Variants in ST6GAL1 observed in about 807,000 individuals in gnomAD.
ST6GAL1 encodes the protein beta-galactoside alpha-2,6-sialyltransferase 1.
In ST6GAL1, 20 loss-of-function variants were observed where a neutral mutation model predicts 38.0. The observed-to-expected ratio is 0.53, with a 90% CI of 0.37 to 0.77. ST6GAL1 has a LOEUF of 0.77. Ranked by LOEUF, ST6GAL1 falls within the 30% of genes least tolerant of loss-of-function variation. The probability of loss-of-function intolerance (pLI) is 0.00; values close to 1 mark genes in which losing one functional copy is unlikely to be tolerated. For missense variants in ST6GAL1, 432 were observed against 496.4 expected (o/e 0.87, Z 1.23); for synonymous variants, 196 against 188.2 (o/e 1.04, Z -0.34).
At chr3:187,010,939 T>G (rs576358452) in intron 2 of ST6GAL1, among the ~76,000 whole-genome samples, 4 of 152,188 alleles carry the variant, frequency 2.6e-5, no homozygotes, top group Non-Finnish European at 5.9e-5. Flanking sequence ...AACCAAAGTA[T>G]AAAAGAAAAT....
intron 5 of ST6GAL1, among the ~76,000 whole-genome samples, chr3:187,065,981 G>C (rs1719099443): frequency 6.6e-6 from 1 of 152,166 alleles, no homozygotes. Flanking sequence ...TTGGTTCTAG[G>C]TGTTTGCCAC....
chr3:186,950,225 T>C (rs1714531193), intron 1 of ST6GAL1, among the ~76,000 whole-genome samples: 2 of 152,110 alleles, frequency 1.3e-5, no homozygotes, highest in Non-Finnish European at 1.5e-5. Context: ...GGGGGCAGCA[T>C]TGGATCCACT....
intron 2 of ST6GAL1, among the ~76,000 whole-genome samples, chr3:186,976,893 A>T (rs1715538334): frequency 6.6e-6 from 1 of 152,184 alleles, no homozygotes; most frequent in African/African-American, 2.4e-5. Flanking sequence ...TCAGTCACTC[A>T]TATTTACCTA....
At chr3:187,057,956 C>T (rs968442449) in intron 5 of ST6GAL1, among the ~76,000 whole-genome samples, 6 of 152,176 alleles carry the variant, frequency 3.9e-5, no homozygotes, top group Admixed American at 6.5e-5. Flanking sequence ...CCACCTACTT[C>T]GAGCTTCCAG....
In ST6GAL1 at chr3:187,075,758, G is replaced by T. The variant is rs186426829; in HGVS notation, c.1176G>T (p.Leu392=). 2.4e-4 allele frequency: 388 copies of T among 1,614,228 alleles called. 3 individuals carry two copies. The East Asian group carries it at 8.2e-3, about 34-fold the overall frequency. The change falls in exon 8 of 8, where the codon CTG becomes CTT. Residue 392 remains leucine (L), a synonymous_variant. Transcript: ENST00000169298. The surrounding 1 kb of genome is among the most constrained non-coding windows in gnomAD (Gnocchi z 4.1). ...LNQGTDEDIY[L]LGKATLPGFR... ...AGGGCACAGATGAGGACATCTACCT[G>T]CTTGGAAAAGCCACACTGCCTGGCT...
chr3:187,004,583 A>G (rs577886470), intron 2 of ST6GAL1, among the ~76,000 whole-genome samples: 1 of 152,366 alleles, frequency 6.6e-6, no homozygotes, highest in East Asian at 1.9e-4. Flanking sequence ...GTAATACACT[A>G]GAGTCGGGAG....
chr3:187,048,070 G>C (rs942036706), intron 4 of ST6GAL1, among the ~76,000 whole-genome samples: 1 of 151,790 alleles, frequency 6.6e-6, no homozygotes, highest in Non-Finnish European at 1.5e-5. Context: ...AGCCTCCCGA[G>C]TAGCTGGGAT....
At chr3:186,970,773 T>C (rs1715321424) in intron 2 of ST6GAL1, among the ~76,000 whole-genome samples, 1 of 152,202 alleles carries the variant, frequency 6.6e-6, no homozygotes, top group Admixed American at 6.5e-5. Context: ...TATTCCATGG[T>C]ATGCATGTAT....
At chr3:187,023,103 G>T (rs1335716841) in intron 2 of ST6GAL1, among the ~76,000 whole-genome samples, 2 of 152,280 alleles carry the variant, frequency 1.3e-5, no homozygotes, top group East Asian at 1.9e-4. Flanking sequence ...TTTCTCTGGG[G>T]TGCCCATGGC....
At chr3:187,067,081 C>CTTTCT (rs1719178858) in intron 5 of ST6GAL1, among the ~76,000 whole-genome samples, 2 of 93,036 alleles carry the variant, frequency 2.1e-5, no homozygotes, top group Non-Finnish European at 4.1e-5. Context: ...TTCTTTCTTT[C>CTTTCT]TTTTTTTTTT....
intron 4 of ST6GAL1, 90 bp from the exon 5 acceptor site, chr3:187,051,159 C>T: frequency 9.0e-7 from 1 of 1,108,182 alleles, no homozygotes; most frequent in Non-Finnish European, 1.4e-6. Context: ...AAGCATTATT[C>T]CCTTGCCCCC....
At chr3:187,030,262 T>A (rs973366500) in intron 2 of ST6GAL1, among the ~76,000 whole-genome samples, 2 of 151,954 alleles carry the variant, frequency 1.3e-5, no homozygotes, top group South Asian at 4.2e-4. Flanking sequence ...AGGGTCTCTG[T>A]GAGGATGACA....
intron 1 of ST6GAL1, among the ~76,000 whole-genome samples, chr3:186,962,685 C>T (rs564495159): frequency 5.9e-5 from 9 of 152,184 alleles, no homozygotes; most frequent in African/African-American, 1.7e-4. Context: ...AAGACTGTGT[C>T]CAAAGAAAAT....
At chr3:186,966,777 A>G (rs1369280093) in intron 2 of ST6GAL1, among the ~76,000 whole-genome samples, 2 of 152,092 alleles carry the variant, frequency 1.3e-5, no homozygotes, top group African/African-American at 4.8e-5. Context: ...GGGCCCCCAG[A>G]TCTCCCCGCC....
At chr3:186,948,992 C>G (rs1579262456) in intron 1 of ST6GAL1, 1 of 152,376 alleles carries the variant, frequency 6.6e-6, no homozygotes, top group East Asian at 1.9e-4. Flanking sequence ...TCGGTAAGAT[C>G]AAGGTGTGAC....
intron 2 of ST6GAL1, among the ~76,000 whole-genome samples, chr3:186,995,648 A>G (rs967824603): frequency 5.3e-5 from 8 of 152,060 alleles, no homozygotes; most frequent in Non-Finnish European, 7.4e-5. Context: ...GTTCGAGACC[A>G]ACCTGGCCAA....
At chr3:186,937,492 C>T (rs1230902985) in intron 1 of ST6GAL1, among the ~76,000 whole-genome samples, 2 of 152,194 alleles carry the variant, frequency 1.3e-5, no homozygotes, top group Admixed American at 6.5e-5. Context: ...CAGTCTTCAA[C>T]GTCTGCATAT....
In ST6GAL1 at chr3:187,009,131, T is replaced by C. The variant is rs189984689; in HGVS notation, c.-182-29611T>C. ...CCTCCCCTCTTTCTTCCTCCCTTTT[T>C]CTTTCAACTAAGATTATGTAGTATA... On this transcript the variant is annotated intron_variant, in intron 2 of 7. Coordinates refer to ENST00000169298, the MANE Select transcript of ST6GAL1 (RefSeq NM_173216.2). 6.0e-3 allele frequency among the ~76,000 whole-genome samples: 910 copies of C among 151,604 alleles called. 6 individuals are homozygous for C. Among genetic ancestry groups the C allele is most frequent in the Middle Eastern group, 0.017 (5 of 292 alleles).
chr3:186,977,159 G>A (rs190918695), intron 2 of ST6GAL1, among the ~76,000 whole-genome samples: 1 of 152,292 alleles, frequency 6.6e-6, no homozygotes, highest in East Asian at 1.9e-4. Context: ...GTCTGCTTCC[G>A]GGGGTCTCTG....
Sources: allele counts gnomAD v4.1 joint callset (sites outside exome capture counted in the v4.1 genomes callset), GRCh38; gene constraint gnomAD v4.1.1; non-coding constraint Gnocchi (gnomAD v3.1); transcripts MANE v1.5; gene names NCBI Gene and HGNC (gene_info 2026-07-23, HGNC 2026-07-21).